Variants in PDE4D observed in about 807,000 individuals in gnomAD.
PDE4D encodes the protein 3',5'-cyclic-AMP phosphodiesterase 4D.
A neutral mutation model predicts 87.4 loss-of-function variants in PDE4D; 24 were observed. The observed-to-expected ratio is 0.27, with a 90% confidence interval of 0.20 to 0.39. The LOEUF (loss-of-function observed/expected upper bound fraction) is 0.39, where lower values mean the gene tolerates loss of function less well. Among genes scored for constraint, PDE4D ranks in the 10% least tolerant of loss-of-function variants. The pLI is 1.00. For missense variants in PDE4D, 714 were observed against 1,041.0 expected (o/e 0.69, Z 4.32); for synonymous variants, 384 against 383.2 (o/e 1.00, Z -0.02).
intron 6 of PDE4D, among the ~76,000 whole-genome samples, chr5:59,014,813 A>G (rs997749214): frequency 6.6e-6 from 1 of 152,224 alleles, no homozygotes; most frequent in Non-Finnish European, 1.5e-5. Context: ...CCGCATTGCC[A>G]AGACAATCCT....
intron 1 of PDE4D, among the ~76,000 whole-genome samples, chr5:59,669,622 T>C (rs963604699): frequency 1.3e-4 from 20 of 152,324 alleles, no homozygotes; most frequent in African/African-American, 4.1e-4. Context: ...ATAGGAACCA[T>C]GGACTTGCTG....
At chr5:60,005,285 T>C (rs1214738998) in intron 2 of PDE4D, among the ~76,000 whole-genome samples, 2 of 152,122 alleles carry the variant, frequency 1.3e-5, no homozygotes, top group Admixed American at 1.3e-4. Flanking sequence ...AGAATGGTGG[T>C]TGCCAGAATC....
chr5:59,305,289 C>T (rs891821039), intron 1 of PDE4D, among the ~76,000 whole-genome samples: 1 of 151,964 alleles, frequency 6.6e-6, no homozygotes, highest in African/African-American at 2.4e-5. Context: ...CTCTTCTTTT[C>T]TTGGTTAATC....
chr5:59,574,144 AAATATATATT>A (rs1822678905), intron 1 of PDE4D, among the ~76,000 whole-genome samples: 16 of 4,402 alleles, frequency 3.6e-3, no homozygotes, highest in South Asian at 0.015. Flanking sequence ...ATATATATAT[AAATATATATT>A]TATATATATA....
At chr5:60,096,696 T>C (rs1025090893) in intron 2 of PDE4D, among the ~76,000 whole-genome samples, 3 of 152,084 alleles carry the variant, frequency 2.0e-5, no homozygotes, top group Non-Finnish European at 2.9e-5. Context: ...TGCTAATGTA[T>C]AGTTTTGATG....
chr5:59,111,022 G>A (rs1772537819), intron 5 of PDE4D, among the ~76,000 whole-genome samples: 1 of 152,172 alleles, frequency 6.6e-6, no homozygotes, highest in African/African-American at 2.4e-5. Context: ...ACACCCAGGA[G>A]GATTTGAACT....
Position 59,262,249 on chromosome 5 carries a change from C to G in PDE4D, c.456-46281G>C, listed in dbSNP as rs143674024. Among the ~76,000 whole-genome samples, 493 of 151,952 alleles carry G rather than the reference C, an allele frequency of 3.2e-3. 1 individual carries two copies. The highest frequency in any genetic ancestry group is 6.0e-3 in the Non-Finnish European group (405 of 67,884). ...TGTGGCAGAACAAGCTTAATAAACA[C>G]TTAAATAAAGCAATAAAAAATGCAC... On this transcript the variant is annotated intron_variant, in intron 1 of 14. Coordinates refer to ENST00000340635, the MANE Select transcript of PDE4D (RefSeq NM_001104631.2).
At chr5:60,056,867 T>TTATG (rs1429092320) in intron 2 of PDE4D, among the ~76,000 whole-genome samples, 1 of 152,016 alleles carries the variant, frequency 6.6e-6, no homozygotes, top group Non-Finnish European at 1.5e-5. Context: ...TTTGATATTA[T>TTATG]TATGACTCTC....
intron 1 of PDE4D, among the ~76,000 whole-genome samples, chr5:59,522,720 C>T (rs1420609855): frequency 1.3e-5 from 2 of 152,172 alleles, no homozygotes; most frequent in Non-Finnish European, 2.9e-5. Context: ...CAGAATGTGA[C>T]TCTGAAATGT....
At chr5:59,835,236 C>A (rs1479957837) in intron 1 of PDE4D, among the ~76,000 whole-genome samples, 1 of 152,062 alleles carries the variant, frequency 6.6e-6, no homozygotes, top group African/African-American at 2.4e-5. Context: ...ATTCCCAAGA[C>A]AACTCTAGCT....
chr5:59,735,115 A>G (rs1470299314), intron 1 of PDE4D, among the ~76,000 whole-genome samples: 1 of 152,156 alleles, frequency 6.6e-6, no homozygotes, highest in Non-Finnish European at 1.5e-5. Context: ...CTGTCTCCTG[A>G]AGAAGTTTTG....
At chr5:59,567,635 GA>G (rs956855183) in intron 1 of PDE4D, among the ~76,000 whole-genome samples, 2 of 152,030 alleles carry the variant, frequency 1.3e-5, no homozygotes, top group Non-Finnish European at 2.9e-5. Context: ...CATTTTGGGG[GA>G]AAAATAATTT....
intron 1 of PDE4D, among the ~76,000 whole-genome samples, chr5:59,838,826 C>T (rs541791859): frequency 4.6e-5 from 7 of 152,050 alleles, no homozygotes; most frequent in African/African-American, 1.4e-4. Context: ...CATTTAAAGC[C>T]CCAAGGCCTT....
chr5:59,087,146 C>T (rs548818255), intron 5 of PDE4D, among the ~76,000 whole-genome samples: 2 of 152,184 alleles, frequency 1.3e-5, no homozygotes, highest in African/African-American at 2.4e-5. Flanking sequence ...AAAATGCAGG[C>T]ACATTACGCA....
At chr5:59,060,417 T>C (rs960331283) in intron 5 of PDE4D, among the ~76,000 whole-genome samples, 7 of 152,146 alleles carry the variant, frequency 4.6e-5, no homozygotes, top group South Asian at 2.1e-4. Flanking sequence ...TAACAAAAAA[T>C]TCCTATTCAC....
chr5:60,348,679 C>CT (rs1263726777), intron 1 of PDE4D, among the ~76,000 whole-genome samples: 4 of 151,880 alleles, frequency 2.6e-5, no homozygotes, highest in African/African-American at 9.7e-5. Context: ...AATATTTGTT[C>CT]TTTTTTTGCG....
chr5:60,501,237 A>G (rs1389841350), intron 1 of PDE4D, among the ~76,000 whole-genome samples: 1 of 151,968 alleles, frequency 6.6e-6, no homozygotes, highest in Admixed American at 6.6e-5. Flanking sequence ...ACCTATGAGT[A>G]AGAATATGAG....
At chr5:60,078,706 G>C (rs1330145848) in intron 2 of PDE4D, among the ~76,000 whole-genome samples, 1 of 152,198 alleles carries the variant, frequency 6.6e-6, no homozygotes, top group African/African-American at 2.4e-5. Flanking sequence ...TTCCTGCAAA[G>C]GATATGGTCT....
At chr5:59,543,535 G>T (rs1412414807) in intron 1 of PDE4D, among the ~76,000 whole-genome samples, 5 of 152,100 alleles carry the variant, frequency 3.3e-5, no homozygotes, top group Non-Finnish European at 7.4e-5. Context: ...GGGTAAAAAG[G>T]TGACTACAAA....
Sources: gnomAD v4.1 joint callset for allele counts (sites outside exome capture counted in the v4.1 genomes callset) on GRCh38, gnomAD v4.1.1 for gene constraint, MANE v1.5 for transcripts, NCBI Gene and HGNC (gene_info 2026-07-23, HGNC 2026-07-21) for gene names.